RANBP2: variants seen among roughly 807,000 people sequenced by gnomAD.
RANBP2 encodes the protein E3 SUMO-protein ligase RanBP2.
Under a neutral mutation model 303.6 loss-of-function variants are expected in RANBP2, and 57 were observed. The ratio of observed to expected loss-of-function variants is 0.19; its 90% CI spans 0.15 to 0.23. The LOEUF (loss-of-function observed/expected upper bound fraction) is 0.23, where lower values mean the gene tolerates loss of function less well. Ranked by LOEUF, RANBP2 falls within the 10% of genes least tolerant of loss-of-function variation. The pLI is 1.00. For missense variants in RANBP2, 3,138 were observed against 3,780.8 expected (o/e 0.83, Z 4.46); for synonymous variants, 1,167 against 1,301.5 (o/e 0.90, Z 2.23).
At chr2:109,451,124 G>C in the RANBP2 span, among the ~76,000 whole-genome samples, 2 of 152,370 alleles carry the variant, frequency 1.3e-5, no homozygotes, top group African/African-American at 4.8e-5. Context: ...AGCAATGGTT[G>C]TTCCCGTGCT....
chr2:108,929,211 G>C, the RANBP2 span: 30 of 1,613,946 alleles, frequency 1.9e-5, no homozygotes, highest in East Asian at 6.7e-4. Flanking sequence ...GGGAGGCAAG[G>C]GCCACACTCA....
chr2:108,720,668 A>G (rs1196783370), intron 1 of RANBP2, among the ~76,000 whole-genome samples: 4 of 152,242 alleles, frequency 2.6e-5, no homozygotes, highest in Non-Finnish European at 4.4e-5. Context: ...AGAATTTGAT[A>G]GGATGATCCA....
chr2:109,735,046 T>C, the RANBP2 span, among the ~76,000 whole-genome samples: 1 of 152,184 alleles, frequency 6.6e-6, no homozygotes, highest in East Asian at 1.9e-4. Flanking sequence ...ATTAAAAATA[T>C]ACAATAAATT....
the RANBP2 span, among the ~76,000 whole-genome samples, chr2:109,076,685 G>T: frequency 2.0e-5 from 3 of 149,906 alleles, no homozygotes; most frequent in African/African-American, 7.3e-5. Flanking sequence ...TTTAACCAAG[G>T]AGGTGAAAAA....
At chr2:109,220,534 A>G in the RANBP2 span, among the ~76,000 whole-genome samples, 1 of 152,266 alleles carries the variant, frequency 6.6e-6, no homozygotes. Context: ...TGTTTAGTAA[A>G]TAATGAATAT....
the RANBP2 span, among the ~76,000 whole-genome samples, chr2:109,380,843 T>C: frequency 6.6e-6 from 1 of 152,218 alleles, no homozygotes; most frequent in Non-Finnish European, 1.5e-5. Context: ...AAGACCTCGA[T>C]GCTGGAGAGC....
In RANBP2 at chr2:108,719,595, G is replaced by A. The variant is rs1250907652; in HGVS notation, c.-12G>A. The stretch of plus-strand genomic sequence containing the variant: ...TGGTCTCACGCGCCTCGGGAGCCAG[G>A]TTGGCGGCGCGATGAGGCGCAGCAA... On this transcript the variant is annotated 5_prime_UTR_variant, in exon 1 of 29. Transcript: ENST00000283195. 4 of 1,602,122 alleles carry A rather than the reference G, an allele frequency of 2.5e-6. No individual in the cohort carries two copies. Among genetic ancestry groups the A allele is most frequent in the Non-Finnish European group, 3.4e-6 (4 of 1,175,878 alleles).
chr2:109,482,343 G>A, the RANBP2 span, among the ~76,000 whole-genome samples: 8 of 152,258 alleles, frequency 5.3e-5, no homozygotes, highest in Admixed American at 4.6e-4. Context: ...GGGAAGTGGG[G>A]CTAAGAGCAG....
chr2:109,425,471 G>A, the RANBP2 span, among the ~76,000 whole-genome samples: 1 of 152,324 alleles, frequency 6.6e-6, no homozygotes, highest in South Asian at 2.1e-4. Flanking sequence ...TGGCTTCAAA[G>A]CTTTAAAGGA....
chr2:108,967,083 C>A, the RANBP2 span, among the ~76,000 whole-genome samples: 1 of 152,108 alleles, frequency 6.6e-6, no homozygotes, highest in Non-Finnish European at 1.5e-5. Flanking sequence ...TACAGGCACC[C>A]GCTACCATGC....
the RANBP2 span, among the ~76,000 whole-genome samples, chr2:108,939,846 C>A: frequency 6.6e-6 from 1 of 152,208 alleles, no homozygotes; most frequent in African/African-American, 2.4e-5. Flanking sequence ...CCTGCCTCCC[C>A]CAGACCCAGC....
chr2:108,802,124 T>C, the RANBP2 span, among the ~76,000 whole-genome samples: 1 of 145,490 alleles, frequency 6.9e-6, no homozygotes, highest in African/African-American at 2.6e-5. Context: ...TCTTTTTTGG[T>C]TCCATATGAA....
the RANBP2 span, among the ~76,000 whole-genome samples, chr2:108,930,416 G>A: frequency 4.6e-5 from 7 of 152,092 alleles, no homozygotes; most frequent in Non-Finnish European, 8.8e-5. Context: ...GTCTCCAGTG[G>A]CTCCTGGTTG....
At chr2:109,508,492 A>G in the RANBP2 span, among the ~76,000 whole-genome samples, 1 of 152,232 alleles carries the variant, frequency 6.6e-6, no homozygotes, top group Non-Finnish European at 1.5e-5. Context: ...GAGGGCCACC[A>G]TACCATATTT....
the RANBP2 span, among the ~76,000 whole-genome samples, chr2:109,563,156 C>T: frequency 6.6e-6 from 1 of 152,212 alleles, no homozygotes; most frequent in African/African-American, 2.4e-5. Flanking sequence ...AGTGGTCTGC[C>T]CGCCTTGGCC....
chr2:109,548,956 G>GGAA, the RANBP2 span, among the ~76,000 whole-genome samples: 1 of 152,086 alleles, frequency 6.6e-6, no homozygotes, highest in Non-Finnish European at 1.5e-5. Flanking sequence ...GTATTCCAAG[G>GGAA]GAAACAAGGT....
At chr2:108,843,427 G>C in the RANBP2 span, among the ~76,000 whole-genome samples, 3 of 152,264 alleles carry the variant, frequency 2.0e-5, no homozygotes, top group East Asian at 5.8e-4. Flanking sequence ...CAAAGTGCTG[G>C]GATTACAGGC....
intron 22 of RANBP2, 135 bp downstream of exon 22, chr2:108,772,716 G>A (rs1302510324): frequency 1.6e-6 from 2 of 1,212,632 alleles, no homozygotes; most frequent in African/African-American, 3.1e-5. Context: ...AAACTAACAG[G>A]TGAAAATATT....
the RANBP2 span, among the ~76,000 whole-genome samples, chr2:109,383,835 C>T: frequency 1.3e-5 from 2 of 152,204 alleles, no homozygotes; most frequent in African/African-American, 4.8e-5. Flanking sequence ...GTCCTGTTTT[C>T]AGTGATCAGT....
Sources: gnomAD v4.1 joint callset for allele counts (sites outside exome capture counted in the v4.1 genomes callset) on GRCh38, gnomAD v4.1.1 for gene constraint, MANE v1.5 for transcripts, NCBI Gene and HGNC (gene_info 2026-07-23, HGNC 2026-07-21) for gene names.